SCHIP1: variants seen among roughly 807,000 people sequenced by gnomAD.
SCHIP1 encodes schwannomin-interacting protein 1.
Under a neutral mutation model 29.7 loss-of-function variants are expected in SCHIP1, and 8 were observed. The observed-to-expected ratio is 0.27, with a 90% CI of 0.16 to 0.49. The LOEUF (loss-of-function observed/expected upper bound fraction) is 0.49. Ranked by LOEUF, SCHIP1 falls within the 20% of genes least tolerant of loss-of-function variation. The pLI is 0.99. For missense variants in SCHIP1, 193 were observed against 294.6 expected, an observed-to-expected ratio of 0.66 and a Z score of 2.52; for synonymous variants, 76 against 94.9, an observed-to-expected ratio of 0.80 and a Z score of 1.16.
the SCHIP1 span, chr3:159,309,116 A>G: frequency 5.9e-6 from 1 of 169,752 alleles, no homozygotes; most frequent in Non-Finnish European, 1.2e-5. Flanking sequence ...CTGCACATGT[A>G]CCCTCTCTAT....
At chr3:159,544,329 T>C in the SCHIP1 span, among the ~76,000 whole-genome samples, 12 of 152,062 alleles carry the variant, frequency 7.9e-5, no homozygotes, top group Non-Finnish European at 1.5e-4. Flanking sequence ...TAGGGTATCA[T>C]GAACAATGCT....
At chr3:159,422,556 A>G in the SCHIP1 span, among the ~76,000 whole-genome samples, 1 of 152,210 alleles carries the variant, frequency 6.6e-6, no homozygotes, top group Non-Finnish European at 1.5e-5. Context: ...AACAACACCC[A>G]GATCAAGAAA....
chr3:159,377,280 G>A, the SCHIP1 span, among the ~76,000 whole-genome samples: 3 of 152,140 alleles, frequency 2.0e-5, no homozygotes, highest in African/African-American at 7.2e-5. Flanking sequence ...TGGTCACCAA[G>A]GAGCCCAGTG....
the SCHIP1 span, among the ~76,000 whole-genome samples, chr3:159,452,292 C>G: frequency 6.6e-6 from 1 of 152,068 alleles, no homozygotes; most frequent in African/African-American, 2.4e-5. Flanking sequence ...AATGCTATCT[C>G]TCCCCTTGTC....
chr3:159,750,263 G>GTGTGTACA, the SCHIP1 span, among the ~76,000 whole-genome samples: 1 of 25,104 alleles, frequency 4.0e-5, no homozygotes, highest in Admixed American at 4.3e-4. Context: ...ATGTGTGTGT[G>GTGTGTACA]TATATATATA....
At chr3:159,579,504 G>C in the SCHIP1 span, among the ~76,000 whole-genome samples, 1 of 152,156 alleles carries the variant, frequency 6.6e-6, no homozygotes, top group East Asian at 1.9e-4. Context: ...AAATGTTTCT[G>C]GACTCTAGCT....
the SCHIP1 span, among the ~76,000 whole-genome samples, chr3:159,379,862 C>T: frequency 2.0e-5 from 3 of 152,110 alleles, no homozygotes; most frequent in Admixed American, 6.6e-5. Flanking sequence ...GAGAGAGGTC[C>T]GTGTTCTCGC....
the SCHIP1 span, among the ~76,000 whole-genome samples, chr3:159,470,196 A>T: frequency 6.6e-6 from 1 of 152,184 alleles, no homozygotes; most frequent in Non-Finnish European, 1.5e-5. Flanking sequence ...AACTACTGGT[A>T]TCATTTTTAC....
At chr3:159,840,119 G>A (rs1744087615) in exon 1 of SCHIP1, 2 of 1,531,740 alleles carry the variant, frequency 1.3e-6, no homozygotes, top group African/African-American at 1.4e-5. Context: ...TGGATGCTCC[G>A]CGCCTGCCCT....
chr3:159,628,377 G>C, the SCHIP1 span, among the ~76,000 whole-genome samples: 1 of 152,184 alleles, frequency 6.6e-6, no homozygotes, highest in Non-Finnish European at 1.5e-5. Context: ...TTCATGCACA[G>C]TGTCTGACAT....
chr3:159,382,376 C>A, the SCHIP1 span, among the ~76,000 whole-genome samples: 44 of 149,748 alleles, frequency 2.9e-4, no homozygotes, highest in Non-Finnish European at 6.1e-4. Context: ...TTTGTTCTTG[C>A]GATAGTTTAC....
the SCHIP1 span, among the ~76,000 whole-genome samples, chr3:159,676,426 G>C: frequency 6.6e-6 from 1 of 152,158 alleles, no homozygotes; most frequent in Admixed American, 6.5e-5. Flanking sequence ...CTATTTCACT[G>C]TCAGAATAAA....
At chr3:159,585,940 C>T in the SCHIP1 span, among the ~76,000 whole-genome samples, 2 of 152,030 alleles carry the variant, frequency 1.3e-5, no homozygotes, top group Non-Finnish European at 2.9e-5. Context: ...TACCTAGTGC[C>T]TAGCATAATA....
the SCHIP1 span, among the ~76,000 whole-genome samples, chr3:159,746,597 A>C: frequency 6.6e-6 from 1 of 152,166 alleles, no homozygotes; most frequent in African/African-American, 2.4e-5. Context: ...TATAATCCAG[A>C]GATTTCTGTC....
the SCHIP1 span, among the ~76,000 whole-genome samples, chr3:159,605,930 G>A: frequency 6.6e-6 from 1 of 152,198 alleles, no homozygotes; most frequent in South Asian, 2.1e-4. Context: ...CCACAGGCTT[G>A]TGAGAAACTC....
At chr3:159,505,809 T>A in the SCHIP1 span, among the ~76,000 whole-genome samples, 1 of 152,226 alleles carries the variant, frequency 6.6e-6, no homozygotes, top group South Asian at 2.1e-4. Flanking sequence ...AATCACCATT[T>A]TTTATGGCTG....
At chr3:159,693,792 C>T in the SCHIP1 span, among the ~76,000 whole-genome samples, 1 of 152,118 alleles carries the variant, frequency 6.6e-6, no homozygotes, top group Non-Finnish European at 1.5e-5. Flanking sequence ...TTTACAAAAG[C>T]AAAACTATAG....
the SCHIP1 span, among the ~76,000 whole-genome samples, chr3:159,493,514 C>T: frequency 8.6e-5 from 13 of 152,028 alleles, no homozygotes; most frequent in Admixed American, 8.5e-4. Flanking sequence ...AAGGCCATTA[C>T]ATAATGGTAA....
At chr3:159,642,698 A>G in the SCHIP1 span, among the ~76,000 whole-genome samples, 3 of 152,232 alleles carry the variant, frequency 2.0e-5, no homozygotes, top group East Asian at 3.9e-4. Context: ...ATATTGGGGG[A>G]CACAGGGACA....
Sources: gnomAD v4.1 joint callset for allele counts (sites outside exome capture counted in the v4.1 genomes callset) on GRCh38, gnomAD v4.1.1 for gene constraint, MANE v1.5 for transcripts, NCBI Gene and HGNC (gene_info 2026-07-23, HGNC 2026-07-21) for gene names.